Variants in R3HDM1 observed in about 807,000 individuals in gnomAD.
The protein encoded by R3HDM1 is R3H domain containing 1.
A neutral mutation model predicts 141.1 loss-of-function variants in R3HDM1; 46 were observed. The observed-to-expected ratio is 0.33, with a 90% CI of 0.26 to 0.42. The LOEUF is 0.42. Among genes scored for constraint, R3HDM1 ranks in the 10% least tolerant of loss-of-function variants. The pLI is 1.00. For synonymous variants in R3HDM1, 435 were observed against 472.9 expected, an observed-to-expected ratio of 0.92 and a Z score of 1.04; for missense variants, 1,184 against 1,368.3, an observed-to-expected ratio of 0.87 and a Z score of 2.12.
chr2:135,705,838 TCAG>T (rs2074826388), intron 21 of R3HDM1, among the ~76,000 whole-genome samples: 1 of 152,026 alleles, frequency 6.6e-6, no homozygotes, highest in African/African-American at 2.4e-5. Flanking sequence ...GTAAAAAAAC[TCAG>T]AAGAAGGACC....
At chr2:135,663,819 G>A (rs2067087192) in intron 19 of R3HDM1, among the ~76,000 whole-genome samples, 1 of 152,110 alleles carries the variant, frequency 6.6e-6, no homozygotes, top group African/African-American at 2.4e-5. Context: ...CTGAGGTCAG[G>A]AATTTCAGAC....
chr2:135,677,209 T>C (rs1407464960), intron 20 of R3HDM1, among the ~76,000 whole-genome samples: 1 of 152,186 alleles, frequency 6.6e-6, no homozygotes, highest in East Asian at 1.9e-4. Flanking sequence ...GAGCACCAAG[T>C]GTATGTCCAC....
intron 1 of R3HDM1, among the ~76,000 whole-genome samples, chr2:135,585,625 TTTATC>T (rs1403159502): frequency 6.6e-6 from 1 of 152,214 alleles, no homozygotes; most frequent in Admixed American, 6.5e-5. Context: ...AGTATTCTGT[TTTATC>T]TTATTTGTTT....
At chr2:135,581,302 C>G (rs1706745651) in intron 1 of R3HDM1, 1 of 985,420 alleles carries the variant, frequency 1.0e-6, no homozygotes, top group African/African-American at 1.7e-5. Flanking sequence ...AGTAGGGGAA[C>G]TCTCATGCGT....
intron 2 of R3HDM1, among the ~76,000 whole-genome samples, chr2:135,603,903 G>A (rs1027427209): frequency 6.6e-6 from 1 of 152,238 alleles, no homozygotes; most frequent in Admixed American, 6.5e-5. Context: ...CACCGCAGCC[G>A]GCCAAGTTCT....
intron 24 of R3HDM1, among the ~76,000 whole-genome samples, chr2:135,717,532 T>C (rs1328308297): frequency 6.6e-6 from 1 of 151,870 alleles, no homozygotes; most frequent in Non-Finnish European, 1.5e-5. Context: ...AGCTAAACAT[T>C]GATGAACACA....
chr2:135,543,192 T>C (rs1398535932), intron 1 of R3HDM1: 1 of 605,196 alleles, frequency 1.7e-6, no homozygotes, highest in African/African-American at 2.0e-5. Context: ...TATACGTGAA[T>C]ATCTAGTTTT....
intron 21 of R3HDM1, among the ~76,000 whole-genome samples, chr2:135,707,649 G>A (rs2075113273): frequency 6.6e-6 from 1 of 152,138 alleles, no homozygotes; most frequent in Non-Finnish European, 1.5e-5. Context: ...TCAGAGTGAG[G>A]GGCATGGCTC....
chr2:135,547,798 G>C (rs1699045452), intron 1 of R3HDM1, among the ~76,000 whole-genome samples: 1 of 126,600 alleles, frequency 7.9e-6, no homozygotes. Flanking sequence ...TCTTGAGACA[G>C]AGTCTTGCTC....
intron 1 of R3HDM1, among the ~76,000 whole-genome samples, chr2:135,569,992 C>CTGGG (rs1369722967): frequency 6.6e-6 from 1 of 152,180 alleles, no homozygotes. Context: ...TCCCAAAGTG[C>CTGGG]TGGGATTACA....
chr2:135,709,656 T>C, intron 22 of R3HDM1, 120 bp downstream of exon 22: 1 of 1,193,554 alleles, frequency 8.4e-7, no homozygotes, highest in African/African-American at 1.5e-5. Flanking sequence ...ACACCCACAA[T>C]ATTGAGGGTG....
intron 1 of R3HDM1, chr2:135,581,305 T>C: frequency 1.0e-6 from 1 of 985,394 alleles, no homozygotes; most frequent in Non-Finnish European, 1.2e-6. Flanking sequence ...AGGGGAACTC[T>C]CATGCGTCCT....
chr2:135,531,610 G>A lies in R3HDM1; in HGVS notation c.-273G>A. 1 of 986,892 alleles carries A rather than the reference G, an allele frequency of 1.0e-6. No individual in the cohort carries two copies. Among genetic ancestry groups the A allele is most frequent in the South Asian group, 4.7e-5 (1 of 21,422 alleles). 61.1% of individuals were successfully genotyped at this position (986,892 alleles called of 1,614,324 possible). On this transcript the variant is annotated 5_prime_UTR_variant, in exon 1 of 27. Transcript: ENST00000683871. ...CGCCCCGCCGCGCCGCGCTCCAACC[G>A]CCTCCTCCTCCTCAGTAACGCGGGT...
chr2:135,716,208 G>A (rs2076141867), intron 24 of R3HDM1, among the ~76,000 whole-genome samples: 1 of 152,162 alleles, frequency 6.6e-6, no homozygotes, highest in Non-Finnish European at 1.5e-5. Flanking sequence ...GCTGAAGCGG[G>A]AGGATCACTT....
intron 19 of R3HDM1, among the ~76,000 whole-genome samples, chr2:135,664,093 T>G (rs2067145091): frequency 6.6e-6 from 1 of 151,954 alleles, no homozygotes; most frequent in South Asian, 2.1e-4. Context: ...TGCCCTAGTG[T>G]AGAAAAGTAA....
chr2:135,534,052 A>G, intron 1 of R3HDM1: 1 of 982,800 alleles, frequency 1.0e-6, no homozygotes. Flanking sequence ...ACTGAAGAGT[A>G]CCATGGGTGT....
At chr2:135,549,961 T>C (rs1406116535) in intron 1 of R3HDM1, 6 of 951,694 alleles carry the variant, frequency 6.3e-6, no homozygotes, top group Admixed American at 6.2e-5. Flanking sequence ...TTTTGTATTA[T>C]AAATTTTCCT....
chr2:135,632,141 A>G, intron 9 of R3HDM1, 140 bp downstream of exon 9: 1 of 720,724 alleles, frequency 1.4e-6, no homozygotes, highest in East Asian at 3.3e-5. Flanking sequence ...GATAGGACTG[A>G]AAAACACATT....
At chr2:135,690,792 A>G (rs755908589) in intron 21 of R3HDM1, among the ~76,000 whole-genome samples, 10 of 151,918 alleles carry the variant, frequency 6.6e-5, no homozygotes, top group Non-Finnish European at 1.3e-4. Context: ...TTATTAGTAA[A>G]TTGTTTTATT....
Sources: gnomAD v4.1 joint callset for allele counts (sites outside exome capture counted in the v4.1 genomes callset) on GRCh38, gnomAD v4.1.1 for gene constraint, MANE v1.5 for transcripts, NCBI Gene and HGNC (gene_info 2026-07-23, HGNC 2026-07-21) for gene names.